The following LRPPRC variants were observed in gnomAD, a reference collection of about 807,000 sequenced individuals.
LRPPRC encodes the protein leucine rich pentatricopeptide repeat containing.
Under a neutral mutation model 180.3 loss-of-function variants are expected in LRPPRC, and 120 were observed. That is an observed-to-expected ratio of 0.67 (90% CI 0.57 to 0.77). LRPPRC has a LOEUF of 0.77. Among genes scored for constraint, LRPPRC ranks in the 30% least tolerant of loss-of-function variants. LRPPRC has a pLI of 0.00. For synonymous variants in LRPPRC, 723 were observed against 600.0 expected (o/e 1.21, Z -3.00); for missense variants, 2,012 against 1,657.2 (o/e 1.21, Z -3.72).
chr2:43,941,901 G>C (rs1159469508), intron 23 of LRPPRC, among the ~76,000 whole-genome samples: 2 of 143,032 alleles, frequency 1.4e-5, no homozygotes, highest in East Asian at 2.1e-4. Context: ...AAAAATAGAA[G>C]ATATACATAT....
intron 3 of LRPPRC, among the ~76,000 whole-genome samples, chr2:43,979,392 G>A (rs1326623600): frequency 1.3e-5 from 2 of 151,996 alleles, no homozygotes; most frequent in Non-Finnish European, 2.9e-5. Context: ...TATTTTACGG[G>A]TACTCCATAA....
intron 35 of LRPPRC, among the ~76,000 whole-genome samples, chr2:43,895,373 C>A (rs1379924964): frequency 1.3e-5 from 2 of 152,190 alleles, no homozygotes; most frequent in Non-Finnish European, 2.9e-5. Context: ...CACACCTGGA[C>A]CTGCATCCTC....
intron 35 of LRPPRC, chr2:43,896,185 A>T (rs1356307617): frequency 1.2e-5 from 2 of 160,856 alleles, no homozygotes; most frequent in Admixed American, 1.2e-4. Context: ...AAGCAACATA[A>T]TTTTAATCTT....
intron 27 of LRPPRC, among the ~76,000 whole-genome samples, chr2:43,924,353 T>C (rs757813001): frequency 6.6e-6 from 1 of 152,098 alleles, no homozygotes; most frequent in African/African-American, 2.4e-5. Flanking sequence ...AAAAGAGAGA[T>C]CGAAAGTTTC....
chr2:43,909,361 G>C lies in LRPPRC; in HGVS notation c.3275+3071C>G, dbSNP rs188777543. ...AGGCAACTCCCAAATAACCCTGGTGGATAACACAGCTAAAAGAAAAGTCTC... is the reference window on the plus strand; with the variant it reads ...AGGCAACTCCCAAATAACCCTGGTGCATAACACAGCTAAAAGAAAAGTCTC... On this transcript the variant is annotated intron_variant, in intron 30 of 37. Coordinates refer to ENST00000260665, the MANE Select transcript of LRPPRC (RefSeq NM_133259.4). 9.2e-3 allele frequency among the ~76,000 whole-genome samples: 1,393 copies of C among 152,030 alleles called. 21 individuals carry two copies. Among genetic ancestry groups the C allele is most frequent in the African/African-American group, 0.032 (1,314 of 41,436 alleles).
Position 43,899,505 on chromosome 2 carries a change from T to G in LRPPRC, c.3670A>C (p.Lys1224Gln). The change falls in exon 33 of 38, where the codon AAA (lysine) becomes CAA (glutamine). Residue 1224 changes from lysine (K) to glutamine (Q), a missense_variant. Lys to Gln is a moderately conservative substitution (Grantham distance 53). Transcript: ENST00000260665. ...QYFGLAYLFR[K>Q]VIEEQLEPAV... ...GGTTCCAACTGCTCCTCTATTACTT[T>G]TCTGAATAAGTATGCCAAGCCGAAG... 6.2e-7 allele frequency: 1 copy of G among 1,614,104 alleles called. No individual in the cohort carries two copies. Among genetic ancestry groups the G allele is most frequent in the Non-Finnish European group, 8.5e-7 (1 of 1,179,942 alleles).
Position 43,995,780 on chromosome 2 carries a change from A to G in LRPPRC, c.149+19T>C, listed in dbSNP as rs531535255. ...CCCTGGCGCCGCAGCTTGCCTGGAG[A>G]AAGGGCCTGGGCACTCACCCGGCCA... On this transcript the variant is annotated intron_variant, in intron 1 of 37. Transcript: ENST00000260665. The G allele has an allele frequency of 1.1e-3, 1,489 of 1,352,322 alleles. 15 individuals are homozygous for G. In the African/African-American group the frequency reaches 0.021, roughly 19 times the overall value. 83.8% of individuals were successfully genotyped at this position (1,352,322 alleles called of 1,614,324 possible).
chr2:43,988,175 G>A (rs1272876935), intron 1 of LRPPRC, among the ~76,000 whole-genome samples: 4 of 150,588 alleles, frequency 2.7e-5, no homozygotes, highest in East Asian at 3.9e-4. Flanking sequence ...AGGAGGCAGA[G>A]GGTGCAAGTG....
At chr2:43,960,908 A>G (rs1160812844) in intron 12 of LRPPRC, among the ~76,000 whole-genome samples, 1 of 152,200 alleles carries the variant, frequency 6.6e-6, no homozygotes, top group Non-Finnish European at 1.5e-5. Flanking sequence ...TAATTCTCCC[A>G]TTCAAGACAA....
intron 34 of LRPPRC, among the ~76,000 whole-genome samples, 174 bp downstream of exon 34, chr2:43,899,045 A>G (rs907716393): frequency 2.6e-5 from 4 of 152,172 alleles, no homozygotes; most frequent in African/African-American, 9.7e-5. Context: ...CCAGTAACCT[A>G]AAATCTACCA....
Position 43,979,890 on chromosome 2 carries a change from A to C in LRPPRC, c.405T>G (p.Pro135=). 6.2e-7 allele frequency: 1 copy of C among 1,613,254 alleles called. No homozygotes were observed. Among genetic ancestry groups the C allele is most frequent in the South Asian group, 1.1e-5 (1 of 91,072 alleles). The stretch of plus-strand genomic sequence containing the variant: ...CTGTTCTCTCTTCAAGCTTTAGTTC[A>C]GGCAAGAGAGAACCACAACTACGTA... ...LLLRSCGSLL[P]ELKLEERTEF... The change falls in exon 3 of 38, where the codon CCT becomes CCG. Residue 135 remains proline (P), a synonymous_variant. Coordinates refer to ENST00000260665, the MANE Select transcript of LRPPRC (RefSeq NM_133259.4).
chr2:43,959,454 G>C (rs1460088662), intron 13 of LRPPRC, among the ~76,000 whole-genome samples: 1 of 152,126 alleles, frequency 6.6e-6, no homozygotes, highest in Non-Finnish European at 1.5e-5. Flanking sequence ...ACATTAATGA[G>C]AGCTTAACTG....
At chr2:43,929,483 G>T (rs886229304) in intron 25 of LRPPRC, among the ~76,000 whole-genome samples, 1 of 152,090 alleles carries the variant, frequency 6.6e-6, no homozygotes, top group South Asian at 2.1e-4. Flanking sequence ...ACTAGAATCT[G>T]CCTATATTTT....
intron 25 of LRPPRC, among the ~76,000 whole-genome samples, chr2:43,928,122 T>C (rs1054447978): frequency 3.3e-5 from 5 of 152,246 alleles, no homozygotes; most frequent in Admixed American, 6.5e-5. Flanking sequence ...AGTATTTTTA[T>C]AGAAACAATT....
intron 34 of LRPPRC, among the ~76,000 whole-genome samples, chr2:43,898,914 A>T (rs1190181864): frequency 6.6e-6 from 1 of 152,196 alleles, no homozygotes; most frequent in Non-Finnish European, 1.5e-5. Context: ...ATCTGCACAG[A>T]AAGATTTGTC....
chr2:43,984,262 A>G (rs1334606343), intron 1 of LRPPRC, among the ~76,000 whole-genome samples: 1 of 152,224 alleles, frequency 6.6e-6, no homozygotes, highest in Non-Finnish European at 1.5e-5. Context: ...GCTGATTAAT[A>G]CAGAAATTTC....
intron 27 of LRPPRC, among the ~76,000 whole-genome samples, chr2:43,919,778 A>G (rs531636073): frequency 6.6e-6 from 1 of 152,254 alleles, no homozygotes; most frequent in Non-Finnish European, 1.5e-5. Context: ...TTAAATGCAC[A>G]GAAAAACTGC....
intron 23 of LRPPRC, among the ~76,000 whole-genome samples, chr2:43,938,998 C>A (rs557963186): frequency 6.6e-6 from 1 of 151,794 alleles, no homozygotes; most frequent in African/African-American, 2.4e-5. Flanking sequence ...GATGGCCGGG[C>A]GCGGTGGCTC....
intron 29 of LRPPRC, among the ~76,000 whole-genome samples, chr2:43,917,280 C>G (rs1671507602): frequency 1.3e-5 from 2 of 151,870 alleles, no homozygotes; most frequent in African/African-American, 4.8e-5. Flanking sequence ...ACTTCGTGAT[C>G]TGCCAGCTTT....
Sources: gnomAD v4.1 joint callset for allele counts (sites outside exome capture counted in the v4.1 genomes callset) on GRCh38, gnomAD v4.1.1 for gene constraint, MANE v1.5 for transcripts, NCBI Gene and HGNC (gene_info 2026-07-23, HGNC 2026-07-21) for gene names.